The following CCDC138 variants were observed in gnomAD, a reference collection of about 807,000 sequenced individuals.
CCDC138 encodes the protein coiled-coil domain containing 138, also known as coiled-coil domain-containing protein 138.
CCDC138 carries 66 observed loss-of-function variants against 82.3 expected under a neutral mutation model. The ratio of observed to expected loss-of-function variants is 0.80; its 90% CI spans 0.66 to 0.98. CCDC138 has a LOEUF of 0.98. CCDC138 is among the 50% of genes least tolerant of loss of function. The probability of loss-of-function intolerance (pLI) is 0.00; values close to 1 mark genes in which losing one functional copy is unlikely to be tolerated. For synonymous variants in CCDC138, 297 were observed against 265.4 expected (o/e 1.12, Z -1.16); for missense variants, 816 against 758.9 (o/e 1.08, Z -0.88).
chr2:108,812,980 T>G (rs1350530009), intron 9 of CCDC138, 53 bp downstream of exon 9: 1 of 1,485,828 alleles, frequency 6.7e-7, no homozygotes, highest in African/African-American at 1.4e-5. Context: ...CTGGGTACGG[T>G]GGCTCACACC....
At chr2:108,845,958 A>G (rs1329807918) in intron 11 of CCDC138, among the ~76,000 whole-genome samples, 2 of 150,818 alleles carry the variant, frequency 1.3e-5, no homozygotes, top group Non-Finnish European at 3.0e-5. Flanking sequence ...TATTTTGCCC[A>G]TTTTTTTTTG....
intron 2 of CCDC138, chr2:108,884,862 G>A (rs1696384359): frequency 6.6e-6 from 1 of 151,240 alleles, no homozygotes. Flanking sequence ...GGTCTGCCAA[G>A]CCACACACCC....
intron 1 of CCDC138, 152 bp from the exon 2 acceptor site, chr2:108,787,880 G>C: frequency 1.6e-6 from 1 of 627,406 alleles, no homozygotes; most frequent in East Asian, 3.6e-5. Flanking sequence ...TCACATTATT[G>C]ATGATATTAG....
chr2:108,826,859 C>G (rs942105084), intron 10 of CCDC138, among the ~76,000 whole-genome samples: 1 of 152,202 alleles, frequency 6.6e-6, no homozygotes, highest in Non-Finnish European at 1.5e-5. Flanking sequence ...ACAACATTGT[C>G]TGCTAATCCA....
At chr2:108,798,360 C>A in intron 5 of CCDC138, 68 bp from the exon 6 acceptor site, 2 of 1,543,956 alleles carry the variant, frequency 1.3e-6, no homozygotes, top group Non-Finnish European at 8.8e-7. Context: ...ACAGTGTCAG[C>A]CAATAGGAAT....
At chr2:108,831,316 A>G (rs1297673532) in intron 10 of CCDC138, among the ~76,000 whole-genome samples, 1 of 152,238 alleles carries the variant, frequency 6.6e-6, no homozygotes, top group Non-Finnish European at 1.5e-5. Flanking sequence ...CAAAGAGTTC[A>G]CAGTTCCCTA....
At chr2:108,864,925 C>A (rs1694186071) in intron 13 of CCDC138, among the ~76,000 whole-genome samples, 1 of 151,672 alleles carries the variant, frequency 6.6e-6, no homozygotes, top group Admixed American at 6.6e-5. Context: ...CATGCCACTG[C>A]ACACCAGCCT....
rs112252026 is a variant in CCDC138 at position 108,826,474 on chromosome 2, A to G, written c.1206+10369A>G. On this transcript the variant is annotated intron_variant, in intron 10 of 14. Coordinates refer to ENST00000295124, the MANE Select transcript of CCDC138 (RefSeq NM_144978.3). ...GTGTAACCTCATTTTTTACCTGTAG[A>G]TACCCATTTGTTTCAGCATCATTAG... Among the ~76,000 whole-genome samples the G allele has an allele frequency of 4.1e-3, 623 of 152,216 alleles. 7 individuals carry two copies. The highest frequency in any genetic ancestry group is 0.015 in the African/African-American group (603 of 41,526).
intron 6 of CCDC138, among the ~76,000 whole-genome samples, chr2:108,804,202 T>G (rs1410804393): frequency 6.6e-6 from 1 of 152,186 alleles, no homozygotes; most frequent in African/African-American, 2.4e-5. Flanking sequence ...TGTAGAAACT[T>G]GTTTTAAAGC....
intron 12 of CCDC138, among the ~76,000 whole-genome samples, chr2:108,851,062 AC>A (rs1271501462): frequency 2.6e-5 from 4 of 151,848 alleles, no homozygotes; most frequent in Non-Finnish European, 5.9e-5. Flanking sequence ...GGTTCCTACA[AC>A]CCCCTCTTTG....
intron 4 of CCDC138, 115 bp downstream of exon 4, chr2:108,791,917 C>T (rs1424986025): frequency 1.5e-5 from 16 of 1,058,102 alleles, no homozygotes; most frequent in Non-Finnish European, 2.0e-5. Flanking sequence ...TTTCTGTGTT[C>T]TGAACTTCTG....
chr2:108,796,183 G>A (rs1279991457), intron 5 of CCDC138, among the ~76,000 whole-genome samples: 1 of 152,036 alleles, frequency 6.6e-6, no homozygotes, highest in Non-Finnish European at 1.5e-5. Flanking sequence ...CGAGTAGCTG[G>A]GACTACAGGC....
At chr2:108,834,390 A>G (rs1340656564) in intron 10 of CCDC138, among the ~76,000 whole-genome samples, 1 of 151,694 alleles carries the variant, frequency 6.6e-6, no homozygotes, top group Non-Finnish European at 1.5e-5. Context: ...TTGCATTTTT[A>G]ATAGAGACAG....
intron 13 of CCDC138, among the ~76,000 whole-genome samples, chr2:108,860,426 C>A (rs1244107768): frequency 6.6e-6 from 1 of 151,750 alleles, no homozygotes; most frequent in African/African-American, 2.4e-5. Flanking sequence ...TTGGGGGAAA[C>A]CCTTTCAACT....
downstream of CCDC138, among the ~76,000 whole-genome samples, chr2:108,877,499 G>A (rs922076123): frequency 2.0e-5 from 3 of 151,822 alleles, no homozygotes; most frequent in African/African-American, 4.8e-5. Flanking sequence ...AAATAAAAAC[G>A]CAGAAGCCAA....
chr2:108,861,665 G>A (rs1293259065), intron 13 of CCDC138, among the ~76,000 whole-genome samples: 2 of 151,926 alleles, frequency 1.3e-5, no homozygotes, highest in Admixed American at 1.3e-4. Flanking sequence ...ATTTTTAGTA[G>A]AGACAGGGTT....
intron 7 of CCDC138, among the ~76,000 whole-genome samples, chr2:108,808,113 G>C (rs775729722): frequency 1.1e-4 from 16 of 152,070 alleles, no homozygotes; most frequent in Non-Finnish European, 7.4e-5. Flanking sequence ...TGTGTGGTAA[G>C]GTCTTTCAGG....
chr2:108,797,462 G>C (rs1420667157), intron 5 of CCDC138, among the ~76,000 whole-genome samples: 2 of 152,204 alleles, frequency 1.3e-5, no homozygotes, highest in African/African-American at 4.8e-5. Context: ...GCTGAAGCCA[G>C]TCTTAAGTGA....
chr2:108,846,609 T>A, intron 11 of CCDC138, 129 bp from the exon 12 acceptor site: 1 of 698,500 alleles, frequency 1.4e-6, no homozygotes, highest in Non-Finnish European at 2.4e-6. Flanking sequence ...CCCAGGAGTT[T>A]GAGGCTGCAG....
Sources: gnomAD v4.1 joint callset for allele counts (sites outside exome capture counted in the v4.1 genomes callset) on GRCh38, gnomAD v4.1.1 for gene constraint, MANE v1.5 for transcripts, NCBI Gene and HGNC (gene_info 2026-07-23, HGNC 2026-07-21) for gene names.